CEPT1: variants seen among roughly 807,000 people sequenced by gnomAD.
The protein encoded by CEPT1 is choline/ethanolamine phosphotransferase 1.
Under a neutral mutation model 42.6 loss-of-function variants are expected in CEPT1, and 7 were observed. The observed-to-expected ratio is 0.16, with a 90% CI of 0.09 to 0.31. The LOEUF (loss-of-function observed/expected upper bound fraction) is 0.31. Ranked by LOEUF, CEPT1 falls within the 10% of genes least tolerant of loss-of-function variation. The pLI, the probability that CEPT1 is intolerant of heterozygous loss-of-function variation, is 1.00. For missense variants in CEPT1, 306 were observed against 502.1 expected (o/e 0.61, Z 3.73); for synonymous variants, 171 against 171.9 (o/e 0.99, Z 0.04).
At chr1:111,162,522 G>C (rs1302485312) in intron 4 of CEPT1, among the ~76,000 whole-genome samples, 1 of 152,200 alleles carries the variant, frequency 6.6e-6, no homozygotes, top group Admixed American at 6.5e-5. Flanking sequence ...TTTAAAGAGA[G>C]CAGTCTACCC....
In CEPT1 at chr1:111,156,766, A is replaced by G. The variant is rs537038544; in HGVS notation, c.340-2614A>G. On this transcript the variant is annotated intron_variant, in intron 2 of 8. Coordinates refer to ENST00000357172, the MANE Select transcript of CEPT1 (RefSeq NM_006090.5). ...TGTATCCTCCCAGAAAAAGAAAAAA[A>G]TTACTCTTGTACTAGCATGTATATA... is the stretch of plus-strand genomic sequence containing the variant. Among the ~76,000 whole-genome samples, 302 of 152,262 alleles carry G rather than the reference A, an allele frequency of 2.0e-3. 3 individuals carry two copies. The highest frequency in any genetic ancestry group is 2.8e-3 in the Non-Finnish European group (191 of 68,016).
chr1:111,141,747 C>T (rs1284717546), intron 1 of CEPT1, among the ~76,000 whole-genome samples: 2 of 152,154 alleles, frequency 1.3e-5, no homozygotes, highest in Admixed American at 6.5e-5. Flanking sequence ...TTTTTGTAAA[C>T]TTGCTCTATG....
At position 111,182,842 on chromosome 1, in the gene CEPT1, T is replaced by C; in HGVS notation, c.890T>C (p.Ile297Thr). The change falls in exon 7 of 9, where the codon ATT becomes ACT. Residue 297 changes from isoleucine (I) to threonine (T), a missense_variant. Coordinates refer to ENST00000357172, the MANE Select transcript of CEPT1 (RefSeq NM_006090.5). ...CCTTTTCTCCATATTGGATCAGTGA[T>C]TACATTAGCTGCAATGATCTACAAG... ...LSPFLHIGSV[I>T]TLAAMIYKKS... 6.2e-7 allele frequency: 1 copy of C among 1,613,586 alleles called. No individual in the cohort carries two copies. Among genetic ancestry groups the C allele is most frequent in the Non-Finnish European group, 8.5e-7 (1 of 1,179,554 alleles).
rs540368223 is a variant in CEPT1 at position 111,161,625 on chromosome 1, A to G, written c.629+329A>G. 2.0e-5 allele frequency among the ~76,000 whole-genome samples: 3 copies of G among 152,296 alleles called. No individual in the cohort carries two copies. The South Asian group carries it at 6.2e-4, about 32-fold the overall frequency. On this transcript the variant is annotated intron_variant, in intron 4 of 8. Transcript: ENST00000357172. ...TAATTCCATTTTTATTTTCACATATAAAAATGCATTTCCAGGAAAAAGAAG... is the reference window on the plus strand; with the variant it reads ...TAATTCCATTTTTATTTTCACATATGAAAATGCATTTCCAGGAAAAAGAAG...
intron 2 of CEPT1, 37 bp from the exon 3 acceptor site, chr1:111,159,343 G>A: frequency 6.3e-7 from 1 of 1,589,338 alleles, no homozygotes; most frequent in Non-Finnish European, 8.5e-7. Flanking sequence ...GTAACTGTGT[G>A]TCTGAATACT....
intron 4 of CEPT1, among the ~76,000 whole-genome samples, chr1:111,161,878 T>A (rs866352964): frequency 2.6e-5 from 4 of 152,332 alleles, no homozygotes; most frequent in South Asian, 2.1e-4. Context: ...GTGTGGGAAC[T>A]GAAGGAAGGA....
intron 5 of CEPT1, chr1:111,178,232 C>G (rs2101392360): frequency 1.3e-5 from 2 of 152,254 alleles, no homozygotes; most frequent in African/African-American, 4.8e-5. Context: ...CCTTCCAAAT[C>G]CTCATTAAGT....
At chr1:111,171,253 G>A (rs1317996343) in intron 4 of CEPT1, among the ~76,000 whole-genome samples, 1 of 152,124 alleles carries the variant, frequency 6.6e-6, no homozygotes, top group Non-Finnish European at 1.5e-5. Context: ...AACTTACTTT[G>A]CAGTTGTTCT....
At chr1:111,156,013 C>G (rs1655550560) in intron 2 of CEPT1, among the ~76,000 whole-genome samples, 1 of 152,042 alleles carries the variant, frequency 6.6e-6, no homozygotes, top group Non-Finnish European at 1.5e-5. Flanking sequence ...TGAAATCTTT[C>G]TACTTTTCAG....
chr1:111,170,886 A>G (rs916655540), intron 4 of CEPT1, among the ~76,000 whole-genome samples: 6 of 152,190 alleles, frequency 3.9e-5, no homozygotes, highest in East Asian at 1.9e-4. Flanking sequence ...TGCATATCCT[A>G]TGTTAACCAA....
At chr1:111,183,392 A>G (rs1571161805) in intron 7 of CEPT1, 70 bp from the exon 8 acceptor site, 12 of 1,529,772 alleles carry the variant, frequency 7.8e-6, no homozygotes, top group East Asian at 6.8e-5. Context: ...TCTGAGCACA[A>G]TATGATTTAC....
Position 111,184,198 on chromosome 1 carries a change from C to G in CEPT1, c.1139C>G (p.Ser380Cys). The G allele has an allele frequency of 1.2e-6, 2 of 1,613,260 alleles. No individual in the cohort carries two copies. The highest frequency in any genetic ancestry group is 1.7e-6 in the Non-Finnish European group (2 of 1,179,424). Residue 380 changes from serine (S) to cysteine (C), a missense_variant, in exon 9 of 9, where the codon TCT (serine) becomes TGT (cysteine). Physicochemically the swap from Ser to Cys is moderately radical, Grantham distance 112 (BLOSUM62 -1). Coordinates refer to ENST00000357172, the MANE Select transcript of CEPT1 (RefSeq NM_006090.5). ...TGTCTCTTTTCTTTCCAGGTTTTCT[C>G]TTTCTTTGATTTGATCCGCTACTGT... Reference protein sequence around the residue: ...YIVLWIALVFSFFDLIRYCVS... With the variant: ...YIVLWIALVFCFFDLIRYCVS...
Position 111,161,218 on chromosome 1 carries a change from T to C in CEPT1, c.551T>C (p.Phe184Ser). 3.1e-6 allele frequency: 5 copies of C among 1,614,108 alleles called. No individual in the cohort carries two copies. The highest frequency in any genetic ancestry group is 4.2e-6 in the Non-Finnish European group (5 of 1,179,996). ...GGGACAAACCCTGATTGGATGTTTT[T>C]TTGTTGTTTTGCGGGGACATTTATG... is the stretch of plus-strand genomic sequence containing the variant. Reference protein sequence around the residue: ...QLGTNPDWMFFCCFAGTFMFY... With the variant: ...QLGTNPDWMFSCCFAGTFMFY... Residue 184 changes from phenylalanine (F) to serine (S), a missense_variant, in exon 4 of 9, where the codon TTT (phenylalanine) becomes TCT (serine). This residue lies in a region of CEPT1 where 253 missense variants were observed against 447.3 expected (regional missense o/e 0.57). Coordinates refer to ENST00000357172, the MANE Select transcript of CEPT1 (RefSeq NM_006090.5).
At chr1:111,181,433 A>G (rs1656981447) in intron 5 of CEPT1, 2 of 152,254 alleles carry the variant, frequency 1.3e-5, no homozygotes, top group Admixed American at 1.3e-4. Flanking sequence ...GTTTGCAAAA[A>G]TGCATGACAT....
chr1:111,147,849 A>G lies in CEPT1; in HGVS notation c.135A>G (p.Arg45=). The change falls in exon 2 of 9, where the codon AGA becomes AGG. Residue 45 remains arginine (R), a synonymous_variant. Transcript: ENST00000357172. The stretch of plus-strand genomic sequence containing the variant: ...AGTTACCAACACCACCATTGTCAAG[A>G]CACCAACTAAAGCGGCTAGAAGAAC... ...LFQLPTPPLS[R]HQLKRLEEHR... 1.2e-6 allele frequency: 2 copies of G among 1,614,168 alleles called. No individual in the cohort carries two copies. Among genetic ancestry groups the G allele is most frequent in the Non-Finnish European group, 1.7e-6 (2 of 1,180,020 alleles).
At chr1:111,171,019 G>T (rs917724203) in intron 4 of CEPT1, among the ~76,000 whole-genome samples, 3 of 152,136 alleles carry the variant, frequency 2.0e-5, no homozygotes, top group African/African-American at 7.2e-5. Context: ...ACATGTAGAA[G>T]AACAATAGAT....
intron 5 of CEPT1, chr1:111,180,242 G>A (rs1367391493): frequency 6.6e-6 from 1 of 152,116 alleles, no homozygotes; most frequent in Non-Finnish European, 1.5e-5. Context: ...GAATCTGAGG[G>A]AAGTATAGTA....
intron 1 of CEPT1, among the ~76,000 whole-genome samples, chr1:111,144,954 G>A (rs1244489576): frequency 6.6e-6 from 1 of 151,940 alleles, no homozygotes; most frequent in African/African-American, 2.4e-5. Flanking sequence ...TGATACAGTT[G>A]TGTGAAAGAA....
chr1:111,159,790 C>T, intron 3 of CEPT1: 1 of 282,996 alleles, frequency 3.5e-6, no homozygotes, highest in Non-Finnish European at 6.6e-6. Flanking sequence ...ATAATTGTCA[C>T]CATCAAAACT....
Sources: allele counts gnomAD v4.1 joint callset (sites outside exome capture counted in the v4.1 genomes callset), GRCh38; gene constraint gnomAD v4.1.1; regional missense constraint gnomAD v4.1.1; transcripts MANE v1.5; gene names NCBI Gene and HGNC (gene_info 2026-07-23, HGNC 2026-07-21).